Variants in MKRN2OS observed in about 807,000 individuals in gnomAD.
MKRN2OS encodes the protein MKRN2 opposite strand protein.
In MKRN2OS, 17 loss-of-function variants were observed where a neutral mutation model predicts 18.2. That is an observed-to-expected ratio of 0.93 (90% confidence interval 0.64 to 1.40). MKRN2OS has a LOEUF of 1.40. Ranked by LOEUF, MKRN2OS falls within the 40% of genes most tolerant of loss-of-function variation. The pLI is 0.00. For missense variants in MKRN2OS, 337 were observed against 283.0 expected, an observed-to-expected ratio of 1.19 and a Z score of -1.37; for synonymous variants, 121 against 108.5, an observed-to-expected ratio of 1.12 and a Z score of -0.72.
chr3:12,552,102 C>A (rs549184458), downstream of MKRN2OS, among the ~76,000 whole-genome samples: 1 of 151,396 alleles, frequency 6.6e-6, no homozygotes, highest in East Asian at 2.0e-4. Context: ...GGTGAATCAC[C>A]AAGTCAGGAG....
upstream of MKRN2OS, among the ~76,000 whole-genome samples, chr3:12,546,226 G>A (rs2057881365): frequency 6.6e-6 from 1 of 152,058 alleles, no homozygotes; most frequent in African/African-American, 2.4e-5. Flanking sequence ...CTTATTTAAG[G>A]CTATTTTATT....
intron 2 of MKRN2OS, 87 bp from the exon 3 acceptor site, chr3:12,542,109 GTGGTAACTT>G (rs1447208671): frequency 3.7e-6 from 5 of 1,336,550 alleles, no homozygotes; most frequent in Non-Finnish European, 5.0e-6. Flanking sequence ...CAGTAGCCAT[GTGGTAACTT>G]TACGTAACAT....
chr3:12,560,607 AG>A (rs1237592041), intron 1 of MKRN2OS: 1 of 152,188 alleles, frequency 6.6e-6, no homozygotes, highest in Non-Finnish European at 1.5e-5. Context: ...TGTTTTGCTT[AG>A]CACTGCTGCT....
intron 1 of MKRN2OS, chr3:12,557,013 C>T (rs963098852): frequency 6.4e-5 from 62 of 973,928 alleles, no homozygotes; most frequent in Non-Finnish European, 8.2e-5. Flanking sequence ...TACAAAGGTG[C>T]CACACCGGAG....
chr3:12,556,223 C>T lies in MKRN2OS; in HGVS notation n.265-2089G>A, dbSNP rs967175896. ...TCGCATGGCTGGCCAGGCGTGCACGCCTGTAATTCCAGCTACGTGGAAGGC... is the reference window on the plus strand; with the variant it reads ...TCGCATGGCTGGCCAGGCGTGCACGTCTGTAATTCCAGCTACGTGGAAGGC... On this transcript the variant is annotated intron_variant and non_coding_transcript_variant, in intron 1 of 1. Coordinates refer to the MKRN2OS transcript ENST00000447550. Among the ~76,000 whole-genome samples the T allele has an allele frequency of 1.0e-3, 153 of 152,070 alleles. No homozygotes were observed. In the Middle Eastern group the frequency reaches 0.01, roughly 10 times the overall value.
chr3:12,543,823 C>T (rs971611765), intron 1 of MKRN2OS, among the ~76,000 whole-genome samples: 29 of 144,456 alleles, frequency 2.0e-4, no homozygotes, highest in African/African-American at 7.5e-4. Context: ...ACCTGGGAGG[C>T]GGAGGTGGCA....
In MKRN2OS at chr3:12,545,479, G is replaced by A. The variant is rs1335543294; in HGVS notation, c.-15C>T. On this transcript the variant is annotated 5_prime_UTR_variant, in exon 1 of 4. Transcript: ENST00000564146. ...GCGCAGTGCATAGCTTTCGCCTCCT[G>A]GAATGCTAGGGGAGGTTTCCGGAGA... 6.7e-7 allele frequency: 1 copy of A among 1,493,546 alleles called. No individual in the cohort carries two copies. The highest frequency in any genetic ancestry group is 1.4e-5 in the African/African-American group (1 of 71,654). 92.5% of individuals were successfully genotyped at this position (1,493,546 alleles called of 1,614,324 possible). A position where few individuals can be genotyped will look rare whatever the true frequency, so the allele number is the denominator to read the frequency against.
intron 1 of MKRN2OS, among the ~76,000 whole-genome samples, chr3:12,556,105 T>C (rs1055555588): frequency 2.6e-5 from 4 of 152,220 alleles, no homozygotes; most frequent in Non-Finnish European, 5.9e-5. Flanking sequence ...GAGAAACCAT[T>C]GTAAGATTAA....
chr3:12,548,440 TCC>T (rs2057903078), upstream of MKRN2OS, among the ~76,000 whole-genome samples: 5 of 100,900 alleles, frequency 5.0e-5, no homozygotes, highest in Admixed American at 1.3e-4. Context: ...AGAGCGAGAC[TCC>T]GTCTCAAAAA....
Position 12,541,952 on chromosome 3 carries a change from G to A in MKRN2OS, c.339C>T (p.Ile113=), listed in dbSNP as rs773175477. The change falls in exon 3 of 4, where the codon ATC becomes ATT. Residue 113 remains isoleucine, a synonymous_variant. Transcript: ENST00000564146. Reference sequence around the variant, plus strand: ...CATACATGTTGGGCTGCAGTAATGGGATGCTTATGCTCTCTTCCCACCCTT... The same window carrying A: ...CATACATGTTGGGCTGCAGTAATGGAATGCTTATGCTCTCTTCCCACCCTT... ...DGEGWEESIS[I]PLLQPNMYGM... 5.2e-6 allele frequency: 8 copies of A among 1,536,046 alleles called. 1 individual carries two copies. In the South Asian group the frequency reaches 8.3e-5, roughly 16 times the overall value.
At chr3:12,558,990 G>A (rs528467203) in intron 1 of MKRN2OS, among the ~76,000 whole-genome samples, 1 of 152,308 alleles carries the variant, frequency 6.6e-6, no homozygotes, top group Admixed American at 6.5e-5. Context: ...TGAAATCAAA[G>A]TTCATGCCCT....
At chr3:12,550,053 C>G (rs982693821), upstream of MKRN2OS, among the ~76,000 whole-genome samples, 1 of 152,174 alleles carries the variant, frequency 6.6e-6, no homozygotes, top group Non-Finnish European at 1.5e-5. Flanking sequence ...CAAAACTCAA[C>G]AAACTCTTAC....
intron 1 of MKRN2OS, 32 bp downstream of exon 1, chr3:12,545,215 A>G: frequency 1.4e-6 from 2 of 1,451,494 alleles, no homozygotes; most frequent in South Asian, 1.3e-5. Context: ...AAGTTTGCAC[A>G]ATGCAATTTA....
upstream of MKRN2OS, among the ~76,000 whole-genome samples, chr3:12,547,623 TA>T (rs1313004070): frequency 6.6e-6 from 1 of 152,184 alleles, no homozygotes; most frequent in Admixed American, 6.5e-5. Flanking sequence ...TTTTCCACAA[TA>T]TCAGTGATAC....
chr3:12,543,108 T>C (rs1310615580), intron 2 of MKRN2OS, 72 bp downstream of exon 2: 1 of 1,285,718 alleles, frequency 7.8e-7, no homozygotes, highest in Non-Finnish European at 1.1e-6. Context: ...GTTGCCATAA[T>C]CAAATCTCCA....
chr3:12,545,981 G>GT (rs1323347902), upstream of MKRN2OS, among the ~76,000 whole-genome samples: 5 of 152,070 alleles, frequency 3.3e-5, no homozygotes, highest in Admixed American at 2.0e-4. Context: ...TAATTGTTGT[G>GT]TTTTTTGGTA....
chr3:12,548,362 G>C (rs9861919), upstream of MKRN2OS, among the ~76,000 whole-genome samples: 84,594 of 150,058 alleles, frequency 0.56, 26,271 homozygotes, highest in African/African-American at 0.83. Flanking sequence ...GCAGGAGAAT[G>C]GCGTGAACCC....
At chr3:12,545,880 C>T (rs1420777622), upstream of MKRN2OS, among the ~76,000 whole-genome samples, 1 of 152,186 alleles carries the variant, frequency 6.6e-6, no homozygotes, top group Non-Finnish European at 1.5e-5. Flanking sequence ...GATCTTGGCT[C>T]ACTGCAACCT....
In MKRN2OS at chr3:12,543,167, A is replaced by G; in HGVS notation, c.268+13T>C. The G allele has an allele frequency of 6.5e-7, 1 of 1,534,832 alleles. No individual in the cohort carries two copies. Among genetic ancestry groups the G allele is most frequent in the African/African-American group, 1.4e-5 (1 of 73,148 alleles). ...GGTAGTAGGGGTTTTTTAAGCTACA[A>G]AACTGCACTTACCATTTGTGTTAGT... On this transcript the variant is annotated intron_variant, in intron 2 of 3. Transcript: ENST00000564146.
Sources: allele counts gnomAD v4.1 joint callset (sites outside exome capture counted in the v4.1 genomes callset), GRCh38; gene constraint gnomAD v4.1.1; transcripts MANE v1.5; gene names NCBI Gene and HGNC (gene_info 2026-07-23, HGNC 2026-07-21).